Variants in RAPGEF1 observed in about 807,000 individuals in gnomAD.
RAPGEF1 encodes CRK SH3-binding GNRP.
Under a neutral mutation model 143.3 loss-of-function variants are expected in RAPGEF1, and 33 were observed. That is an observed-to-expected ratio of 0.23 (90% confidence interval 0.17 to 0.31). RAPGEF1 has a LOEUF of 0.31. RAPGEF1 is among the 10% of genes least tolerant of loss of function. The pLI, the probability that RAPGEF1 is intolerant of heterozygous loss-of-function variation, is 1.00. For missense variants in RAPGEF1, 1,199 were observed against 1,645.4 expected (o/e 0.73, Z 4.69); for synonymous variants, 629 against 676.5 (o/e 0.93, Z 1.09).
Position 131,596,337 on chromosome 9 carries a change from C to T in RAPGEF1, c.2650G>A (p.Asp884Asn), listed in dbSNP as rs1432634090. The T allele has an allele frequency of 6.2e-7, 1 of 1,613,964 alleles. No homozygotes were observed. Among genetic ancestry groups the T allele is most frequent in the Admixed American group, 1.7e-5 (1 of 60,016 alleles). ...DGPDVRGGSG[D>N]ILLVHATETD... is the part of the protein sequence containing the mutation. ...TCAGTAGCATGGACCAGTAAGATGT[C>T]CCCAGATCCTCCGCGGACGTCCGGC... is the stretch of plus-strand genomic sequence containing the variant. Residue 884 changes from aspartate (D) to asparagine (N), a missense_variant, in exon 17 of 27, where the codon GAC (aspartate) becomes AAC (asparagine). Physicochemically the swap from Asp to Asn is conservative, Grantham distance 23. This residue lies in a region of RAPGEF1 where 209 missense variants were observed against 403.0 expected (regional missense o/e 0.52). Coordinates refer to ENST00000683357, the MANE Select transcript of RAPGEF1 (RefSeq NM_001377935.1).
chr9:131,645,867 G>T (rs1157587937), intron 3 of RAPGEF1, among the ~76,000 whole-genome samples: 2 of 152,246 alleles, frequency 1.3e-5, no homozygotes, highest in Non-Finnish European at 2.9e-5. Flanking sequence ...AAAGCCAACT[G>T]CTGGGCTTTG....
At chr9:131,589,130 A>G (rs1953724555) in intron 19 of RAPGEF1, 144 bp from the exon 20 acceptor site, 1 of 777,638 alleles carries the variant, frequency 1.3e-6, no homozygotes, top group African/African-American at 1.8e-5. Context: ...AGAGCAGGAG[A>G]CGAGAGCCTG....
intron 9 of RAPGEF1, 30 bp downstream of exon 9, chr9:131,627,883 C>G (rs146425199): frequency 1.3e-6 from 2 of 1,562,642 alleles, no homozygotes; most frequent in African/African-American, 1.4e-5. Flanking sequence ...CACCGAGACA[C>G]GATGGAACAG....
At position 131,579,214 on chromosome 9, in the gene RAPGEF1, A is replaced by AAAAGCAGAAAACAAAACC. The variant is rs1951499435; in HGVS notation, c.*265_*282dup. On this transcript the variant is annotated 3_prime_UTR_variant, in exon 27 of 27. Coordinates refer to ENST00000683357, the MANE Select transcript of RAPGEF1 (RefSeq NM_001377935.1). ...AGGTCAAGAGGGGAGAGATGGAAGT[A>AAAAGCAGAAAACAAAACC]AAAGCAGAAAACAAAACCAAACCAG... 2.5e-6 allele frequency: 1 copy of AAAAGCAGAAAACAAAACC among 397,014 alleles called. No individual in the cohort carries two copies. Among genetic ancestry groups the AAAAGCAGAAAACAAAACC allele is most frequent in the Admixed American group, 4.1e-5 (1 of 24,190 alleles). 24.6% of individuals were successfully genotyped at this position (397,014 alleles called of 1,614,324 possible). A position where few individuals can be genotyped will look rare whatever the true frequency, so the allele number is the denominator to read the frequency against.
At chr9:131,605,227 A>C (rs1347348300) in intron 12 of RAPGEF1, 39 bp from the exon 13 acceptor site, 2 of 1,248,298 alleles carry the variant, frequency 1.6e-6, no homozygotes, top group Admixed American at 5.6e-5. Context: ...AAACGAGAAT[A>C]CAAGAAGAAA....
intron 1 of RAPGEF1, among the ~76,000 whole-genome samples, chr9:131,695,523 C>T (rs1834106623): frequency 6.6e-6 from 1 of 152,200 alleles, no homozygotes; most frequent in South Asian, 2.1e-4. Flanking sequence ...CAGCAGAGGC[C>T]ACACTGGGTA....
chr9:131,702,860 A>G (rs1236289041), intron 1 of RAPGEF1, among the ~76,000 whole-genome samples: 2 of 152,272 alleles, frequency 1.3e-5, no homozygotes, highest in Non-Finnish European at 2.9e-5. Context: ...TGTCATAGTC[A>G]TAGCAGTTAT....
intron 1 of RAPGEF1, among the ~76,000 whole-genome samples, chr9:131,689,958 A>G (rs1833663895): frequency 6.6e-6 from 1 of 152,238 alleles, no homozygotes; most frequent in Non-Finnish European, 1.5e-5. Context: ...AAGTATATGT[A>G]TTCTGGCATC....
intron 21 of RAPGEF1, 33 bp downstream of exon 21, chr9:131,587,909 A>T: frequency 6.4e-7 from 1 of 1,570,834 alleles, no homozygotes; most frequent in Non-Finnish European, 8.7e-7. Flanking sequence ...AGGGACAAAC[A>T]GTGTGGCTCC....
chr9:131,611,741 T>C (rs1239948554), intron 12 of RAPGEF1, among the ~76,000 whole-genome samples: 2 of 152,252 alleles, frequency 1.3e-5, no homozygotes, highest in Non-Finnish European at 2.9e-5. Flanking sequence ...ATTTAGAGCC[T>C]GTAGCTACAC....
In RAPGEF1 at chr9:131,621,652, T is replaced by G; in HGVS notation, c.1905+144A>C. 2 of 784,512 alleles carry G rather than the reference T, an allele frequency of 2.5e-6. No homozygotes were observed. The highest frequency in any genetic ancestry group is 4.1e-6 in the Non-Finnish European group (2 of 491,684). 48.6% of individuals were successfully genotyped at this position (784,512 alleles called of 1,614,324 possible). On this transcript the variant is annotated intron_variant, in intron 11 of 26. Transcript: ENST00000683357. The surrounding 1 kb of genome is among the most constrained non-coding windows in gnomAD (Gnocchi z 4.5). ...TAAGGAGGAAGTAAAAGCATCTGTG[T>G]GGGAGATGGTGCCTTCCACGCCCAA...
intron 1 of RAPGEF1, among the ~76,000 whole-genome samples, chr9:131,739,413 C>G (rs1837610142): frequency 6.6e-6 from 1 of 152,198 alleles, no homozygotes; most frequent in Non-Finnish European, 1.5e-5. Flanking sequence ...AGGCCGGGCA[C>G]CGATCGCTGC....
chr9:131,699,167 C>T (rs1389780466), intron 1 of RAPGEF1, among the ~76,000 whole-genome samples: 5 of 152,218 alleles, frequency 3.3e-5, no homozygotes, highest in South Asian at 2.1e-4. Flanking sequence ...ACTCCAAGAA[C>T]GCCCATGCTC....
intron 1 of RAPGEF1, among the ~76,000 whole-genome samples, chr9:131,660,948 C>T (rs1973887542): frequency 6.6e-6 from 1 of 152,212 alleles, no homozygotes; most frequent in African/African-American, 2.4e-5. Flanking sequence ...AAACATATAA[C>T]AAGGTGCTCA....
chr9:131,692,909 G>T (rs1833883877), intron 1 of RAPGEF1, among the ~76,000 whole-genome samples: 2 of 152,126 alleles, frequency 1.3e-5, no homozygotes, highest in Admixed American at 1.3e-4. Flanking sequence ...CGAACAAACA[G>T]GCTGCTTGGC....
intron 12 of RAPGEF1, among the ~76,000 whole-genome samples, chr9:131,617,093 G>A (rs148712048): frequency 2.0e-5 from 3 of 152,254 alleles, no homozygotes; most frequent in African/African-American, 4.8e-5. Context: ...TAATTAAAAC[G>A]TCCTCGAATT....
intron 16 of RAPGEF1, among the ~76,000 whole-genome samples, chr9:131,596,849 T>G (rs1280600929): frequency 1.3e-5 from 2 of 152,202 alleles, no homozygotes; most frequent in African/African-American, 4.8e-5. Flanking sequence ...GCCCTACATC[T>G]AAATCCGTCT....
At position 131,675,240 on chromosome 9, in the gene RAPGEF1, C is replaced by T. The variant is rs1832125916; in HGVS notation, c.62-24291G>A. Reference sequence around the variant, plus strand: ...GGCACGGACCGAGGGGAAAATGCTCCCAGCAGAGGGATGAGCACATCTGGA... The same window carrying T: ...GGCACGGACCGAGGGGAAAATGCTCTCAGCAGAGGGATGAGCACATCTGGA... On this transcript the variant is annotated intron_variant, in intron 1 of 26. Transcript: ENST00000683357. The surrounding 1 kb of genome is among the most constrained non-coding windows in gnomAD (Gnocchi z 4.6). Among the ~76,000 whole-genome samples, 1 of 152,106 alleles carries T rather than the reference C, an allele frequency of 6.6e-6. No homozygotes were observed. Among genetic ancestry groups the T allele is most frequent in the African/African-American group, 2.4e-5 (1 of 41,404 alleles).
intron 1 of RAPGEF1, among the ~76,000 whole-genome samples, chr9:131,692,218 C>T (rs1250336943): frequency 6.6e-6 from 1 of 152,184 alleles, no homozygotes; most frequent in Non-Finnish European, 1.5e-5. Flanking sequence ...TTTGACGAGA[C>T]TAAGCTCATT....
Sources: allele counts gnomAD v4.1 joint callset (sites outside exome capture counted in the v4.1 genomes callset), GRCh38; gene constraint gnomAD v4.1.1; regional missense constraint gnomAD v4.1.1; non-coding constraint Gnocchi (gnomAD v3.1); transcripts MANE v1.5; gene names NCBI Gene and HGNC (gene_info 2026-07-23, HGNC 2026-07-21).